Variants in TSNARE1 observed in about 807,000 individuals in gnomAD.
TSNARE1 encodes t-SNARE domain containing 1, also known as t-SNARE domain-containing protein 1.
Under a neutral mutation model 62.0 loss-of-function variants are expected in TSNARE1, and 49 were observed. The observed-to-expected ratio is 0.79, with a 90% CI of 0.63 to 1.00. TSNARE1 has a LOEUF of 1.00. Among genes scored for constraint, TSNARE1 ranks in the 50% least tolerant of loss-of-function variants. The pLI is 0.00. For synonymous variants in TSNARE1, 328 were observed against 294.4 expected (o/e 1.11, Z -1.17); for missense variants, 755 against 700.1 (o/e 1.08, Z -0.88).
In TSNARE1 at chr8:142,401,407, T is replaced by C. The variant is rs1468181187; in HGVS notation, c.-40+1697A>G. Among the ~76,000 whole-genome samples, 3 of 82,120 alleles carry C rather than the reference T, an allele frequency of 3.7e-5. No homozygotes were observed. The East Asian group carries it at 1.2e-3, about 33-fold the overall frequency. The allele number at this position is 82,120 out of a possible 152,430, so 53.9% of individuals were successfully genotyped here. On this transcript the variant is annotated intron_variant, in intron 1 of 13. Transcript: ENST00000524325. The stretch of plus-strand genomic sequence containing the variant: ...CACACCAGTGAGAAAAGCCACAGAC[T>C]ATGCAGGAAAAATGACTGCACTGTC...
chr8:142,230,073 T>C (rs1817029599), intron 12 of TSNARE1, among the ~76,000 whole-genome samples: 1 of 152,202 alleles, frequency 6.6e-6, no homozygotes, highest in Non-Finnish European at 1.5e-5. Context: ...CTTGTGGCTA[T>C]TACTAATTTA....
intron 1 of TSNARE1, among the ~76,000 whole-genome samples, chr8:142,383,366 C>G (rs1836901795): frequency 6.6e-6 from 1 of 152,216 alleles, no homozygotes; most frequent in South Asian, 2.1e-4. Flanking sequence ...AGGCACCACC[C>G]AGTACAGAGT....
At chr8:142,253,722 C>T (rs1818289647) in intron 12 of TSNARE1, among the ~76,000 whole-genome samples, 2 of 152,388 alleles carry the variant, frequency 1.3e-5, no homozygotes, top group South Asian at 4.1e-4. Context: ...TCCATCACTT[C>T]ATCCCCAAGT....
intron 11 of TSNARE1, among the ~76,000 whole-genome samples, chr8:142,281,071 T>A (rs1413320164): frequency 6.6e-6 from 1 of 152,164 alleles, no homozygotes; most frequent in Admixed American, 6.5e-5. Flanking sequence ...CCGGACACAC[T>A]GCCAGTTGTC....
intron 12 of TSNARE1, among the ~76,000 whole-genome samples, chr8:142,272,360 C>T (rs1819679692): frequency 6.6e-6 from 1 of 151,542 alleles, no homozygotes; most frequent in Admixed American, 6.6e-5. Context: ...ATCCACCCAC[C>T]CGTCTACACC....
intron 2 of TSNARE1, among the ~76,000 whole-genome samples, chr8:142,348,384 T>A (rs1158319306): frequency 1.3e-5 from 2 of 152,206 alleles, no homozygotes; most frequent in Non-Finnish European, 2.9e-5. Flanking sequence ...AAATCACATG[T>A]GGTGAACACC....
At chr8:142,269,376 G>C in intron 12 of TSNARE1, 1 of 949,162 alleles carries the variant, frequency 1.1e-6, no homozygotes, top group Non-Finnish European at 1.3e-6. Flanking sequence ...TGGGGTGAAG[G>C]TTGGGGCTCA....
intron 1 of TSNARE1, among the ~76,000 whole-genome samples, chr8:142,378,351 C>A (rs987666699): frequency 4.6e-5 from 7 of 152,202 alleles, no homozygotes; most frequent in African/African-American, 1.7e-4. Flanking sequence ...GGTGACAGAA[C>A]TCAGAAAGGC....
chr8:142,301,990 G>GTGCC (rs1825861866), intron 9 of TSNARE1, among the ~76,000 whole-genome samples: 1 of 152,194 alleles, frequency 6.6e-6, no homozygotes, highest in East Asian at 1.9e-4. Context: ...ACAACGAACA[G>GTGCC]TGCCACGTGT....
At chr8:142,276,097 C>T in intron 11 of TSNARE1, 1 of 985,438 alleles carries the variant, frequency 1.0e-6, no homozygotes, top group Non-Finnish European at 1.2e-6. Flanking sequence ...AGTGGAGCCG[C>T]AGGCACTCGC....
chr8:142,219,377 C>G (rs1220410869), intron 13 of TSNARE1, among the ~76,000 whole-genome samples: 1 of 152,168 alleles, frequency 6.6e-6, no homozygotes, highest in Admixed American at 6.5e-5. Context: ...CACTACCACC[C>G]CCAGGCACAG....
At chr8:142,320,366 C>T (rs936852708) in intron 6 of TSNARE1, among the ~76,000 whole-genome samples, 2 of 150,986 alleles carry the variant, frequency 1.3e-5, no homozygotes, top group Admixed American at 6.6e-5. Flanking sequence ...TCTGACTTCA[C>T]CTCCCCACAC....
chr8:142,354,070 G>A (rs868825300), intron 2 of TSNARE1, among the ~76,000 whole-genome samples: 20 of 152,252 alleles, frequency 1.3e-4, no homozygotes, highest in African/African-American at 4.3e-4. Flanking sequence ...CAGGAGCGGG[G>A]GGTTACCATG....
chr8:142,377,391 G>A (rs1836422227), intron 1 of TSNARE1, among the ~76,000 whole-genome samples: 1 of 151,134 alleles, frequency 6.6e-6, no homozygotes, highest in Non-Finnish European at 1.5e-5. Context: ...TGCAACATAG[G>A]CAAAATTAAA....
intron 13 of TSNARE1, among the ~76,000 whole-genome samples, chr8:142,224,773 C>T (rs894453820): frequency 1.3e-5 from 2 of 152,084 alleles, no homozygotes; most frequent in African/African-American, 2.4e-5. Flanking sequence ...TGGCCTCACC[C>T]GCCACTCTGA....
Position 142,344,368 on chromosome 8 carries a change from C to A in TSNARE1, c.343G>T (p.Gly115Trp), listed in dbSNP as rs367607963. ...SAAGPHGRMA[G>W]PSTTRAKKRK... is the part of the protein sequence containing the mutation. Reference sequence around the variant, plus strand: ...TTCTTGGCCCGGGTAGTGCTGGGCCCCGCCATCCGGCCATGGGGCCCAGCA... The same window carrying A: ...TTCTTGGCCCGGGTAGTGCTGGGCCACGCCATCCGGCCATGGGGCCCAGCA... The change falls in exon 4 of 14, where the codon GGG becomes TGG. Residue 115 changes from glycine (G) to tryptophan (W), a missense_variant. Transcript: ENST00000524325. 6.4e-7 allele frequency: 1 copy of A among 1,570,814 alleles called. No homozygotes were observed. Among genetic ancestry groups the A allele is most frequent in the East Asian group, 2.3e-5 (1 of 43,558 alleles).
chr8:142,362,473 T>C (rs1587017021), intron 1 of TSNARE1, among the ~76,000 whole-genome samples: 1 of 152,182 alleles, frequency 6.6e-6, no homozygotes, highest in African/African-American at 2.4e-5. Flanking sequence ...TGTAACAGAA[T>C]GTCACTCACA....
chr8:142,361,799 C>A (rs150420838), intron 1 of TSNARE1, among the ~76,000 whole-genome samples: 1 of 152,168 alleles, frequency 6.6e-6, no homozygotes, highest in Admixed American at 6.5e-5. Flanking sequence ...TTCACAGGGA[C>A]GGGTGCACAC....
intron 11 of TSNARE1, chr8:142,276,448 C>T (rs1820511217): frequency 6.1e-6 from 6 of 985,326 alleles, no homozygotes; most frequent in African/African-American, 1.7e-5. Flanking sequence ...GCCCCGCTCA[C>T]GTGCAAAGGA....
Sources: gnomAD v4.1 joint callset for allele counts (sites outside exome capture counted in the v4.1 genomes callset) on GRCh38, gnomAD v4.1.1 for gene constraint, MANE v1.5 for transcripts, NCBI Gene and HGNC (gene_info 2026-07-23, HGNC 2026-07-21) for gene names.